ARID1B: variants seen among roughly 807,000 people sequenced by gnomAD.
The protein encoded by ARID1B is AT-rich interactive domain-containing protein 1B.
Under a neutral mutation model 212.3 loss-of-function variants are expected in ARID1B, and 30 were observed. That is an observed-to-expected ratio of 0.14 (90% confidence interval 0.11 to 0.19). The LOEUF (loss-of-function observed/expected upper bound fraction) is 0.19, where lower values mean the gene tolerates loss of function less well. Ranked by LOEUF, ARID1B falls within the 10% of genes least tolerant of loss-of-function variation. The pLI is 1.00. For missense variants in ARID1B, 2,891 were observed against 3,204.0 expected (o/e 0.90, Z 2.36); for synonymous variants, 1,402 against 1,301.7 (o/e 1.08, Z -1.66).
intron 2 of ARID1B, among the ~76,000 whole-genome samples, chr6:156,838,486 C>T (rs571002728): frequency 2.7e-4 from 41 of 152,040 alleles, no homozygotes; most frequent in African/African-American, 9.7e-4. Flanking sequence ...GGTTTTCCAG[C>T]CTGAGCTGCC....
At chr6:157,077,597 C>T (rs1346742003) in intron 4 of ARID1B, among the ~76,000 whole-genome samples, 2 of 152,296 alleles carry the variant, frequency 1.3e-5, no homozygotes, top group Non-Finnish European at 2.9e-5. Flanking sequence ...ACCAGCTGTC[C>T]TAGAGTATCC....
chr6:156,932,151 GGGGC>G (rs1382470362), intron 3 of ARID1B, among the ~76,000 whole-genome samples: 6 of 135,514 alleles, frequency 4.4e-5, no homozygotes, highest in African/African-American at 1.5e-4. Flanking sequence ...AAAAAGGGGG[GGGGC>G]GGGGTGAAGA....
At chr6:156,791,764 T>C (rs1163283589) in intron 1 of ARID1B, among the ~76,000 whole-genome samples, 1 of 152,148 alleles carries the variant, frequency 6.6e-6, no homozygotes, top group Non-Finnish European at 1.5e-5. Context: ...CACAATGTGC[T>C]GATGTGCAGG....
intron 4 of ARID1B, chr6:157,071,571 A>ACAAGATTG (rs1222756290): frequency 2.6e-5 from 4 of 152,248 alleles, no homozygotes; most frequent in Non-Finnish European, 4.4e-5. Context: ...GAGACCATTG[A>ACAAGATTG]CAAGATTGTT....
chr6:157,065,150 C>T (rs985458641), intron 4 of ARID1B, among the ~76,000 whole-genome samples: 6 of 152,208 alleles, frequency 3.9e-5, no homozygotes, highest in African/African-American at 1.4e-4. Flanking sequence ...CTAACCCATA[C>T]ATAACTGTGC....
intron 2 of ARID1B, among the ~76,000 whole-genome samples, chr6:156,833,410 TG>T (rs1783278161): frequency 6.6e-6 from 1 of 152,178 alleles, no homozygotes; most frequent in Non-Finnish European, 1.5e-5. Context: ...TATTTATTTG[TG>T]TCAAGCAGAT....
Position 156,890,677 on chromosome 6 carries a change from G to C in ARID1B, c.1987-10699G>C, listed in dbSNP as rs1283743308. On this transcript the variant is annotated intron_variant, in intron 2 of 19. Transcript: ENST00000636930. ...GGTCAGCTAGCCCATTCTGCAGTGTGGGACACTGCCTGACCCTTTTGTATA... is the reference window on the plus strand; with the variant it reads ...GGTCAGCTAGCCCATTCTGCAGTGTCGGACACTGCCTGACCCTTTTGTATA... Among the ~76,000 whole-genome samples, 3 of 152,188 alleles carry C rather than the reference G, an allele frequency of 2.0e-5. No homozygotes were observed. The East Asian group carries it at 5.8e-4, about 29-fold the overall frequency.
chr6:157,185,175 C>T (rs1792888291), intron 13 of ARID1B: 1 of 152,402 alleles, frequency 6.6e-6, no homozygotes, highest in African/African-American at 2.4e-5. Flanking sequence ...AGCCTTCGTT[C>T]TACCGTTTGG....
At chr6:157,034,479 G>A (rs1055771112) in intron 4 of ARID1B, among the ~76,000 whole-genome samples, 1 of 152,160 alleles carries the variant, frequency 6.6e-6, no homozygotes, top group Non-Finnish European at 1.5e-5. Flanking sequence ...TCTAATTTAT[G>A]TATAAGAATG....
intron 1 of ARID1B, among the ~76,000 whole-genome samples, chr6:156,807,607 T>G (rs1781267023): frequency 6.6e-6 from 1 of 152,224 alleles, no homozygotes; most frequent in Non-Finnish European, 1.5e-5. Flanking sequence ...AAGTTAAATG[T>G]GTCTTTTAGT....
At chr6:157,157,507 A>G (rs1447679014) in intron 8 of ARID1B, among the ~76,000 whole-genome samples, 1 of 152,186 alleles carries the variant, frequency 6.6e-6, no homozygotes, top group Non-Finnish European at 1.5e-5. Context: ...GATAACCTCA[A>G]CAGTGTTTTG....
chr6:156,830,147 C>T (rs1783046514), intron 2 of ARID1B, among the ~76,000 whole-genome samples: 1 of 152,072 alleles, frequency 6.6e-6, no homozygotes, highest in Middle Eastern at 3.2e-3. Flanking sequence ...TTTATGCTGG[C>T]TGGAGGGAGG....
chr6:157,014,982 A>C (rs182491795), intron 4 of ARID1B, among the ~76,000 whole-genome samples: 1 of 152,316 alleles, frequency 6.6e-6, no homozygotes, highest in East Asian at 1.9e-4. Context: ...ATTATAACTC[A>C]GTATTTTGAA....
chr6:156,793,091 A>T (rs1326028704), intron 1 of ARID1B, among the ~76,000 whole-genome samples: 2 of 152,166 alleles, frequency 1.3e-5, no homozygotes, highest in Non-Finnish European at 2.9e-5. Context: ...CCTACCTGGG[A>T]AGATGCAGCA....
In ARID1B at chr6:157,198,916, G is replaced by A. The variant is rs1435709697; in HGVS notation, c.4479+9G>A. On this transcript the variant is annotated intron_variant, in intron 17 of 19. Transcript: ENST00000636930. ...TGTACCCACAGCAGCCGGTGAGTTGGCAAGTGGGCGTGGGGTGCTGTGTTT... is the reference window on the plus strand; with the variant it reads ...TGTACCCACAGCAGCCGGTGAGTTGACAAGTGGGCGTGGGGTGCTGTGTTT... The A allele has an allele frequency of 6.3e-7, 1 of 1,590,478 alleles. No homozygotes were observed. Among genetic ancestry groups the A allele is most frequent in the Non-Finnish European group, 8.6e-7 (1 of 1,165,586 alleles).
intron 5 of ARID1B, chr6:157,108,077 T>C (rs1786620611): frequency 6.6e-6 from 1 of 152,226 alleles, no homozygotes; most frequent in South Asian, 2.1e-4. Context: ...AACTATGACT[T>C]AGTAGTTATG....
At chr6:157,122,316 T>G (rs1350059702) in intron 6 of ARID1B, among the ~76,000 whole-genome samples, 2 of 152,246 alleles carry the variant, frequency 1.3e-5, no homozygotes, top group Non-Finnish European at 2.9e-5. Flanking sequence ...AATTTTTCAC[T>G]GATGCTAATA....
Position 157,094,536 on chromosome 6 carries a change from G to A in ARID1B, c.2491+9631G>A, listed in dbSNP as rs71563703. Among the ~76,000 whole-genome samples the A allele has an allele frequency of 0.15, 22,402 of 151,948 alleles. 1,751 individuals carry two copies. Among genetic ancestry groups the A allele is most frequent in the African/African-American group, 0.17 (6,968 of 41,412 alleles). ...CGCTTGGCTAATTTTTATATTTTTA[G>A]TAGAGATGGGGTTTCGCCATGTTGG... On this transcript the variant is annotated intron_variant, in intron 5 of 19. Coordinates refer to ENST00000636930, the MANE Select transcript of ARID1B (RefSeq NM_001374828.1). The surrounding 1 kb of genome is among the most constrained non-coding windows in gnomAD (Gnocchi z 4.3).
At chr6:157,050,866 TTAAA>T (rs1436625765) in intron 4 of ARID1B, among the ~76,000 whole-genome samples, 1 of 152,214 alleles carries the variant, frequency 6.6e-6, no homozygotes. Context: ...GTGTTACACA[TTAAA>T]TATTTCCCAT....
Sources: gnomAD v4.1 joint callset for allele counts (sites outside exome capture counted in the v4.1 genomes callset) on GRCh38, gnomAD v4.1.1 for gene constraint, Gnocchi (gnomAD v3.1) non-coding constraint, MANE v1.5 for transcripts, NCBI Gene and HGNC (gene_info 2026-07-23, HGNC 2026-07-21) for gene names.